The following CARS2 variants were observed in gnomAD, a reference collection of about 807,000 sequenced individuals.
The protein encoded by CARS2 is cysteinyl-tRNA synthetase 2, mitochondrial.
CARS2 carries 52 observed loss-of-function variants against 68.8 expected under a neutral mutation model. The ratio of observed to expected loss-of-function variants is 0.76; its 90% CI spans 0.61 to 0.95. The LOEUF (loss-of-function observed/expected upper bound fraction) is 0.95, where lower values mean the gene tolerates loss of function less well. Ranked by LOEUF, CARS2 falls within the 40% of genes least tolerant of loss-of-function variation. The pLI, the probability that CARS2 is intolerant of heterozygous loss-of-function variation, is 0.00. For missense variants in CARS2, 780 were observed against 754.2 expected, an observed-to-expected ratio of 1.03 and a Z score of -0.40; for synonymous variants, 314 against 303.6, an observed-to-expected ratio of 1.03 and a Z score of -0.36.
At chr13:110,646,177 C>T (rs981501278) in intron 11 of CARS2, 87 bp from the exon 12 acceptor site, 40 of 1,458,470 alleles carry the variant, frequency 2.7e-5, no homozygotes, top group African/African-American at 7.2e-5. Flanking sequence ...CAGGGAGAGA[C>T]GCTGGGGGCT....
rs1255736397 is a variant in CARS2 at position 110,668,205 on chromosome 13, A to G, written c.786-732T>C. 1.3e-5 allele frequency among the ~76,000 whole-genome samples: 2 copies of G among 152,210 alleles called. No homozygotes were observed. The highest frequency in any genetic ancestry group is 2.9e-5 in the Non-Finnish European group (2 of 68,044). On this transcript the variant is annotated intron_variant, in intron 7 of 14. Coordinates refer to ENST00000257347, the MANE Select transcript of CARS2 (RefSeq NM_024537.4). This position sits in a 1 kb window ranked among gnomAD's most constrained non-coding sequence, Gnocchi z 4.1. ...GCACACGGAGGTCTCGAGCCTGGGG[A>G]AACAGGCATCACAGAAACACACGCT...
At chr13:110,706,870 T>C (rs948882749), upstream of CARS2, among the ~76,000 whole-genome samples, 1 of 144,348 alleles carries the variant, frequency 6.9e-6, no homozygotes, top group African/African-American at 2.6e-5. Flanking sequence ...ACCATCAGCA[T>C]CCCAACACAG....
intron 8 of CARS2, chr13:110,663,966 T>A: frequency 1.0e-6 from 1 of 990,064 alleles, no homozygotes; most frequent in Non-Finnish European, 1.2e-6. Context: ...GTGGCACTTG[T>A]GGGTCTCTGA....
chr13:110,694,003 T>C (rs2063550244), intron 3 of CARS2, among the ~76,000 whole-genome samples: 1 of 151,998 alleles, frequency 6.6e-6, no homozygotes, highest in Non-Finnish European at 1.5e-5. Flanking sequence ...TGGAGACATA[T>C]ATAATAATTT....
intron 9 of CARS2, among the ~76,000 whole-genome samples, chr13:110,655,535 G>T (rs2062342742): frequency 6.6e-6 from 1 of 152,204 alleles, no homozygotes; most frequent in South Asian, 2.1e-4. Context: ...TGTGTGAAGG[G>T]AAAGTGAGAA....
intron 5 of CARS2, among the ~76,000 whole-genome samples, chr13:110,685,237 G>T (rs2063265685): frequency 6.6e-6 from 1 of 152,062 alleles, no homozygotes; most frequent in Admixed American, 6.5e-5. Flanking sequence ...TTGAACCCGG[G>T]AGGCGGAGGT....
chr13:110,663,975 G>C (rs2062579070), intron 8 of CARS2: 1 of 989,010 alleles, frequency 1.0e-6, no homozygotes, highest in South Asian at 4.7e-5. Flanking sequence ...GTGGGTCTCT[G>C]AGTGGGAAGA....
rs1191970053 is a variant in CARS2, at chr13:110,641,565, C to G, written c.1667G>C (p.Arg556Thr). The G allele has an allele frequency of 2.5e-6, 4 of 1,613,994 alleles. No homozygotes were observed. Among genetic ancestry groups the G allele is most frequent in the Non-Finnish European group, 3.4e-6 (4 of 1,179,998 alleles). ...TTSTWELLDQ[R>T]TKDQKSAG ...GCCCGCTGATTTTTGGTCTTTTGTCCTTTGATCCAGCAGTTCCCACGTGGA... is the reference window on the plus strand; with the variant it reads ...GCCCGCTGATTTTTGGTCTTTTGTCGTTTGATCCAGCAGTTCCCACGTGGA... The change falls in exon 15 of 15, where the codon AGG becomes ACG. Residue 556 changes from arginine to threonine, a missense_variant. Physicochemically the swap from Arg to Thr is moderately conservative, Grantham distance 71. Coordinates refer to ENST00000257347, the MANE Select transcript of CARS2 (RefSeq NM_024537.4).
intron 10 of CARS2, among the ~76,000 whole-genome samples, chr13:110,647,767 C>CCAAAGTGGAAGGGAGGAGCAGTCCCCAG (rs367802988): frequency 6.6e-6 from 1 of 152,220 alleles, no homozygotes. Context: ...GATGAGGGGC[C>CCAAAGTGGAAGGGAGGAGCAGTCCCCAG]AGTGTTTCTG....
chr13:110,647,447 C>T (rs747175711), intron 10 of CARS2, among the ~76,000 whole-genome samples: 1 of 152,224 alleles, frequency 6.6e-6, no homozygotes, highest in Non-Finnish European at 1.5e-5. Flanking sequence ...TGGCACCTGC[C>T]GTGGGAGAAC....
At chr13:110,652,623 C>T (rs1457254414) in intron 9 of CARS2, among the ~76,000 whole-genome samples, 1 of 152,150 alleles carries the variant, frequency 6.6e-6, no homozygotes, top group African/African-American at 2.4e-5. Flanking sequence ...TGTCTTCTAC[C>T]AGGAAGGAGC....
Position 110,676,349 on chromosome 13 carries a change from A to T in CARS2, c.785+625T>A, listed in dbSNP as rs777942456. ...AGAAGGCGGAGAAAGCTCTACTGAG[A>T]GGCAGAAACCAGGACAGAGAGGGTG... On this transcript the variant is annotated intron_variant, in intron 7 of 14. Transcript: ENST00000257347. The surrounding 1 kb of genome is among the most constrained non-coding windows in gnomAD (Gnocchi z 4.0). 8.9e-4 allele frequency among the ~76,000 whole-genome samples: 136 copies of T among 152,284 alleles called. No homozygotes were observed. The highest frequency in any genetic ancestry group is 3.1e-3 in the African/African-American group (127 of 41,566).
At chr13:110,662,385 C>G (rs986479439) in intron 9 of CARS2, among the ~76,000 whole-genome samples, 2 of 152,224 alleles carry the variant, frequency 1.3e-5, no homozygotes, top group Non-Finnish European at 2.9e-5. Flanking sequence ...CCATGCAACC[C>G]CGTGGCTGGG....
rs2062974103 is a variant in CARS2, at chr13:110,677,091, T to C, written c.668A>G (p.Lys223Arg). 6.2e-7 allele frequency: 1 copy of C among 1,607,438 alleles called. No homozygotes were observed. Among genetic ancestry groups the C allele is most frequent in the Non-Finnish European group, 8.5e-7 (1 of 1,175,294 alleles). The change falls in exon 7 of 15, where the codon AAG (lysine) becomes AGG (arginine). Residue 223 changes from lysine to arginine, a missense_variant. Transcript: ENST00000257347. The part of the protein sequence containing the change: ...GPVGEPADSD[K>R]RHASDFALWK... Reference sequence around the variant, plus strand: ...CAGGGCGAAGTCACTGGCATGACGCTTGTCAGAGTCCGCTGCAGATGACAA... The same window carrying C: ...CAGGGCGAAGTCACTGGCATGACGCCTGTCAGAGTCCGCTGCAGATGACAA...
In CARS2 at chr13:110,676,102, C is replaced by T. The variant is rs921846247; in HGVS notation, c.785+872G>A. On this transcript the variant is annotated intron_variant, in intron 7 of 14. Coordinates refer to ENST00000257347, the MANE Select transcript of CARS2 (RefSeq NM_024537.4). The surrounding 1 kb of genome is among the most constrained non-coding windows in gnomAD (Gnocchi z 4.0). ...CTGGGAGGCGGAGGTTGCGGTGAGC[C>T]GAGATCGCACCATTGCACTCCAACC... is the stretch of plus-strand genomic sequence containing the variant. Among the ~76,000 whole-genome samples the T allele has an allele frequency of 4.6e-5, 7 of 152,164 alleles. No individual in the cohort carries two copies. The highest frequency in any genetic ancestry group is 3.9e-4 in the East Asian group (2 of 5,192).
At chr13:110,667,567 C>A in intron 7 of CARS2, 94 bp from the exon 8 acceptor site, 1 of 1,134,294 alleles carries the variant, frequency 8.8e-7, no homozygotes, top group Non-Finnish European at 1.2e-6. Context: ...CTTTTTAATT[C>A]AATGAATAAA....
rs371880514 is a variant in CARS2 at position 110,641,649 on chromosome 13, C to T, written c.1624-41G>A. 292 of 1,491,250 alleles carry T rather than the reference C, an allele frequency of 2.0e-4. 2 individuals carry two copies. The highest frequency in any genetic ancestry group is 6.8e-4 in the East Asian group (30 of 44,308). 92.4% of individuals were successfully genotyped at this position (1,491,250 alleles called of 1,614,324 possible). A position where few individuals can be genotyped will look rare whatever the true frequency, so the allele number is the denominator to read the frequency against. ...GAGGTCCAACTCTGAGCAGACACCA[C>T]GTCATGTGGCACAGGGGGCTGACAG... On this transcript the variant is annotated intron_variant, in intron 14 of 14. Coordinates refer to ENST00000257347, the MANE Select transcript of CARS2 (RefSeq NM_024537.4).
chr13:110,667,298 T>C (rs2062675610), intron 8 of CARS2, 42 bp downstream of exon 8: 3 of 1,569,322 alleles, frequency 1.9e-6, no homozygotes, highest in Non-Finnish European at 2.6e-6. Flanking sequence ...ACAGAACTGC[T>C]AGAATTGAAA....
chr13:110,664,580 T>C, intron 8 of CARS2: 1 of 964,212 alleles, frequency 1.0e-6, no homozygotes, highest in Non-Finnish European at 1.2e-6. Context: ...AAAAAACATA[T>C]ATAACTTTGA....
Sources: gnomAD v4.1 joint callset for allele counts (sites outside exome capture counted in the v4.1 genomes callset) on GRCh38, gnomAD v4.1.1 for gene constraint, Gnocchi (gnomAD v3.1) non-coding constraint, MANE v1.5 for transcripts, NCBI Gene and HGNC (gene_info 2026-07-23, HGNC 2026-07-21) for gene names.